The following SARDH variants were observed in gnomAD, a reference collection of about 807,000 sequenced individuals.
SARDH encodes the protein sarcosine dehydrogenase, mitochondrial.
Under a neutral mutation model 109.1 loss-of-function variants are expected in SARDH, and 95 were observed. The ratio of observed to expected loss-of-function variants is 0.87; its 90% CI spans 0.74 to 1.03. The LOEUF (loss-of-function observed/expected upper bound fraction) is 1.03, where lower values mean the gene tolerates loss of function less well. Ranked by LOEUF, SARDH falls within the 50% of genes least tolerant of loss-of-function variation. The pLI, the probability that SARDH is intolerant of heterozygous loss-of-function variation, is 0.00. For missense variants in SARDH, 1,267 were observed against 1,287.8 expected, an observed-to-expected ratio of 0.98 and a Z score of 0.25; for synonymous variants, 572 against 534.8, an observed-to-expected ratio of 1.07 and a Z score of -0.96.
At chr9:133,689,052 A>G (rs1830994501) in intron 16 of SARDH, among the ~76,000 whole-genome samples, 1 of 152,114 alleles carries the variant, frequency 6.6e-6, no homozygotes, top group South Asian at 2.1e-4. Flanking sequence ...AGCGGACCCC[A>G]TGGCAGAGTC....
intron 8 of SARDH, among the ~76,000 whole-genome samples, chr9:133,714,104 G>A (rs976956586): frequency 2.6e-5 from 4 of 152,210 alleles, no homozygotes; most frequent in African/African-American, 7.2e-5. Context: ...GGAAGCGGCC[G>A]GCCCTGGTCT....
chr9:133,677,428 C>T (rs1332948746), intron 17 of SARDH, among the ~76,000 whole-genome samples: 1 of 152,112 alleles, frequency 6.6e-6, no homozygotes, highest in Non-Finnish European at 1.5e-5. Context: ...AGGGTCGGAC[C>T]AGAGCAGATA....
chr9:133,698,919 G>A (rs1011698257), intron 13 of SARDH, among the ~76,000 whole-genome samples: 4 of 152,206 alleles, frequency 2.6e-5, no homozygotes, highest in African/African-American at 9.6e-5. Context: ...GAATTGGACA[G>A]CATCAACATT....
chr9:133,720,638 C>T (rs186174211), intron 6 of SARDH, among the ~76,000 whole-genome samples: 1 of 142,204 alleles, frequency 7.0e-6, no homozygotes, highest in Non-Finnish European at 1.6e-5. Flanking sequence ...TCTTACATGG[C>T]AGCAGGAAAG....
chr9:133,700,963 C>T (rs1831462966), intron 13 of SARDH, among the ~76,000 whole-genome samples: 2 of 152,336 alleles, frequency 1.3e-5, no homozygotes, highest in Non-Finnish European at 2.9e-5. Context: ...TGAACAGCTG[C>T]CGTGTGTCGG....
At chr9:133,675,295 G>A (rs899514837) in intron 17 of SARDH, among the ~76,000 whole-genome samples, 1 of 151,842 alleles carries the variant, frequency 6.6e-6, no homozygotes, top group Non-Finnish European at 1.5e-5. Context: ...AGGCTGCAGT[G>A]AGCCGAGATT....
chr9:133,726,541 A>G (rs1832498983), intron 6 of SARDH, among the ~76,000 whole-genome samples: 1 of 152,148 alleles, frequency 6.6e-6, no homozygotes, highest in Non-Finnish European at 1.5e-5. Context: ...AGCAGGATCC[A>G]TGTCTGGACT....
intron 17 of SARDH, among the ~76,000 whole-genome samples, chr9:133,681,907 T>C (rs1830708581): frequency 6.6e-6 from 1 of 151,654 alleles, no homozygotes; most frequent in African/African-American, 2.4e-5. Context: ...CCCCTGTGTT[T>C]CCCCTCCCCC....
downstream of SARDH, among the ~76,000 whole-genome samples, chr9:133,659,920 A>G (rs129916): frequency 0.022 from 3,406 of 151,864 alleles, 67 homozygotes; most frequent in South Asian, 0.1. Flanking sequence ...CTGCCCAAAC[A>G]CCTGGGGGGC....
Position 133,692,458 on chromosome 9 carries a change from G to C in SARDH, c.1921+1800C>G, listed in dbSNP as rs1309447909. On this transcript the variant is annotated intron_variant, in intron 15 of 20. Transcript: ENST00000439388. This position sits in a 1 kb window ranked among gnomAD's most constrained non-coding sequence, Gnocchi z 5.0. ...ACCCAGAGACGACCAGCGATGGGCAGGTCACACTGGTTCTCACCTCTACAC... is the reference window on the plus strand; with the variant it reads ...ACCCAGAGACGACCAGCGATGGGCACGTCACACTGGTTCTCACCTCTACAC... Among the ~76,000 whole-genome samples the C allele has an allele frequency of 6.6e-6, 1 of 152,130 alleles. No individual in the cohort carries two copies. Among genetic ancestry groups the C allele is most frequent in the African/African-American group, 2.4e-5 (1 of 41,416 alleles).
chr9:133,701,543 G>A (rs1286203385), intron 13 of SARDH, among the ~76,000 whole-genome samples: 1 of 152,240 alleles, frequency 6.6e-6, no homozygotes, highest in South Asian at 2.1e-4. Context: ...GCGCGTTTGC[G>A]GAGGCCGGAT....
At chr9:133,679,965 C>T (rs1830641232) in intron 17 of SARDH, among the ~76,000 whole-genome samples, 2 of 152,244 alleles carry the variant, frequency 1.3e-5, no homozygotes, top group African/African-American at 4.8e-5. Flanking sequence ...CATTCCTCGC[C>T]TGCATCTGGT....
chr9:133,701,693 C>T (rs1487453136), intron 13 of SARDH, among the ~76,000 whole-genome samples: 7 of 152,320 alleles, frequency 4.6e-5, no homozygotes, highest in South Asian at 4.1e-4. Flanking sequence ...ACAAGGGACT[C>T]GGGCACTGAG....
intron 1 of SARDH, among the ~76,000 whole-genome samples, chr9:133,737,264 C>G (rs1220549488): frequency 6.6e-6 from 1 of 152,196 alleles, no homozygotes; most frequent in African/African-American, 2.4e-5. Context: ...GCCCCAGTGC[C>G]CCATCCCAAG....
chr9:133,701,212 C>T (rs1831472237), intron 13 of SARDH, among the ~76,000 whole-genome samples: 2 of 152,220 alleles, frequency 1.3e-5, no homozygotes, highest in South Asian at 4.1e-4. Flanking sequence ...ATGGAGAAAG[C>T]ATTTACATCA....
intron 4 of SARDH, among the ~76,000 whole-genome samples, chr9:133,731,098 C>T (rs1320368841): frequency 6.6e-6 from 1 of 152,244 alleles, no homozygotes; most frequent in East Asian, 1.9e-4. Context: ...GGTGCACCCA[C>T]GGCACGACCT....
rs1452214075 is a variant in SARDH, at chr9:133,708,440, A to G, written c.1329-12T>C. 1.2e-6 allele frequency: 2 copies of G among 1,605,562 alleles called. No individual in the cohort carries two copies. Among genetic ancestry groups the G allele is most frequent in the South Asian group, 1.1e-5 (1 of 90,266 alleles). On this transcript the variant is annotated splice_polypyrimidine_tract_variant and intron_variant, in intron 10 of 20. Transcript: ENST00000439388. ...AGTGATGGAAGCGCCTGCCGCAGAC[A>G]GGGGGACGGGTCACTGCTTTGGGGA... is the stretch of plus-strand genomic sequence containing the variant.
intron 13 of SARDH, among the ~76,000 whole-genome samples, chr9:133,701,170 T>C (rs1831470308): frequency 1.3e-5 from 2 of 152,226 alleles, no homozygotes; most frequent in Non-Finnish European, 2.9e-5. Context: ...CATTCAGTGA[T>C]GCCTCATTGG....
In SARDH at chr9:133,731,331, T is replaced by C. The variant is rs1406272229; in HGVS notation, c.664A>G (p.Arg222Gly). The C allele has an allele frequency of 1.2e-6, 2 of 1,614,138 alleles. No homozygotes were observed. Among genetic ancestry groups the C allele is most frequent in the Non-Finnish European group, 1.7e-6 (2 of 1,180,004 alleles). The change falls in exon 4 of 21, where the codon AGG becomes GGG. Residue 222 changes from arginine to glycine, a missense_variant. By Grantham distance (125) the Arg-to-Gly change is moderately radical. Transcript: ENST00000439388. ...TGTGCTCCTCGGGCAGAAGCTGCCCTGGCGAGGGTGGTACAGGTGCCAGCG... is the reference window on the plus strand; with the variant it reads ...TGTGCTCCTCGGGCAGAAGCTGCCCCGGCGAGGGTGGTACAGGTGCCAGCG... ...DPAGTCTTLARAASARGAQVI... is the reference protein window; with the variant it reads ...DPAGTCTTLAGAASARGAQVI...
Sources: gnomAD v4.1 joint callset for allele counts (sites outside exome capture counted in the v4.1 genomes callset) on GRCh38, gnomAD v4.1.1 for gene constraint, Gnocchi (gnomAD v3.1) non-coding constraint, MANE v1.5 for transcripts, NCBI Gene and HGNC (gene_info 2026-07-23, HGNC 2026-07-21) for gene names.